ZNF589: variants seen among roughly 807,000 people sequenced by gnomAD.
The protein encoded by ZNF589 is KRAB-zinc finger protein SZF1-1.
Under a neutral mutation model 13.6 loss-of-function variants are expected in ZNF589, and 17 were observed. That is an observed-to-expected ratio of 1.25 (90% confidence interval 0.86 to 1.88). The LOEUF is 1.88. Among genes scored for constraint, ZNF589 ranks in the 40% most tolerant of loss-of-function variants. The pLI is 0.00. For missense variants in ZNF589, 407 were observed against 434.0 expected, an observed-to-expected ratio of 0.94 and a Z score of 0.55; for synonymous variants, 148 against 161.6, an observed-to-expected ratio of 0.92 and a Z score of 0.64.
chr3:48,253,178 G>A (rs773406749), intron 2 of ZNF589, among the ~76,000 whole-genome samples: 6 of 152,012 alleles, frequency 3.9e-5, no homozygotes, highest in Non-Finnish European at 7.4e-5. Flanking sequence ...GATTACAGGC[G>A]TGCACCACTA....
Position 48,268,549 on chromosome 3 carries a change from A to G in ZNF589, c.858A>G (p.Ile286Met), listed in dbSNP as rs1189314037. The G allele has an allele frequency of 1.9e-6, 3 of 1,609,764 alleles. No individual in the cohort carries two copies. Among genetic ancestry groups the G allele is most frequent in the South Asian group, 1.1e-5 (1 of 90,882 alleles). The change falls in exon 4 of 4, where the codon ATA becomes ATG. Residue 286 changes from isoleucine (I) to methionine (M), a missense_variant. Ile to Met is a conservative substitution (Grantham distance 10). Coordinates refer to ENST00000354698, the MANE Select transcript of ZNF589 (RefSeq NM_016089.3). ...GCGGAGAGTGTGGGCGAGGCTTTATAGTTGAGTCAGTCCTCCGCAACCACC... is the reference window on the plus strand; with the variant it reads ...GCGGAGAGTGTGGGCGAGGCTTTATGGTTGAGTCAGTCCTCCGCAACCACC... ...YVCGECGRGF[I>M]VESVLRNHLS...
At position 48,247,637 on chromosome 3, in the gene ZNF589, A is replaced by G. The variant is rs1390677108; in HGVS notation, c.56A>G (p.Lys19Arg). The G allele has an allele frequency of 4.3e-6, 7 of 1,612,668 alleles. No homozygotes were observed. Among genetic ancestry groups the G allele is most frequent in the Non-Finnish European group, 5.9e-6 (7 of 1,179,276 alleles). ...TTTCTTTCCCCAGCTCTGCCTGCCAAGGATTCTGCCTGGCCCTGGGAAGAG... is the reference window on the plus strand; with the variant it reads ...TTTCTTTCCCCAGCTCTGCCTGCCAGGGATTCTGCCTGGCCCTGGGAAGAG... ...LGWTAEALPAKDSAWPWEEKP... is the reference protein window; with the variant it reads ...LGWTAEALPARDSAWPWEEKP... The change falls in exon 2 of 4, where the codon AAG becomes AGG. Residue 19 changes from lysine to arginine, a missense_variant. By Grantham distance (26) the Lys-to-Arg change is conservative (BLOSUM62 2). Coordinates refer to ENST00000354698, the MANE Select transcript of ZNF589 (RefSeq NM_016089.3).
Position 48,269,421 on chromosome 3 carries a change from C to T in ZNF589, c.*635C>T. The stretch of plus-strand genomic sequence containing the variant: ...TCAACTCTCCTCGCACACGAGCAGA[C>T]ACATTCAGGGGAGAAGCCTTATGTG... On this transcript the variant is annotated 3_prime_UTR_variant, in exon 4 of 4. Transcript: ENST00000354698. The T allele has an allele frequency of 4.3e-6, 2 of 466,760 alleles. No homozygotes were observed. Among genetic ancestry groups the T allele is most frequent in the Non-Finnish European group, 7.9e-6 (2 of 252,002 alleles). 28.9% of individuals were successfully genotyped at this position (466,760 alleles called of 1,614,324 possible).
At chr3:48,259,091 G>A (rs1394445868) in intron 2 of ZNF589, among the ~76,000 whole-genome samples, 2 of 152,172 alleles carry the variant, frequency 1.3e-5, no homozygotes, top group East Asian at 3.8e-4. Context: ...AGCATGTAAG[G>A]GACAGCAGCC....
chr3:48,244,973 C>T (rs185374124), intron 1 of ZNF589, among the ~76,000 whole-genome samples: 7 of 152,182 alleles, frequency 4.6e-5, no homozygotes, highest in Admixed American at 2.0e-4. Context: ...CGCCACCACA[C>T]CTGGCTAATT....
At chr3:48,248,268 TC>T (rs962281050) in intron 2 of ZNF589, among the ~76,000 whole-genome samples, 4 of 152,182 alleles carry the variant, frequency 2.6e-5, no homozygotes, top group African/African-American at 9.7e-5. Context: ...GGTGGTGACA[TC>T]CCCATTTTCG....
chr3:48,263,859 G>A (rs1575295619), intron 3 of ZNF589, among the ~76,000 whole-genome samples: 1 of 152,190 alleles, frequency 6.6e-6, no homozygotes, highest in East Asian at 1.9e-4. Flanking sequence ...GTTATAAAAA[G>A]GAGGCTTTTG....
At chr3:48,253,791 C>T (rs965123182) in intron 2 of ZNF589, among the ~76,000 whole-genome samples, 2 of 152,110 alleles carry the variant, frequency 1.3e-5, no homozygotes, top group East Asian at 1.9e-4. Context: ...CGTGAGCCAC[C>T]GTGCCCGGCG....
rs1250039056 is a variant in ZNF589, at chr3:48,269,224, G to A, written c.*438G>A. 1.7e-5 allele frequency: 24 copies of A among 1,436,628 alleles called. No homozygotes were observed. Among genetic ancestry groups the A allele is most frequent in the East Asian group, 1.1e-4 (4 of 37,736 alleles). The allele number at this position is 1,436,628 out of a possible 1,614,324, so 89.0% of individuals were successfully genotyped here. A position where few individuals can be genotyped will look rare whatever the true frequency, so the allele number is the denominator to read the frequency against. Reference sequence around the variant, plus strand: ...CGGAGTGTGGGCAAGGCTTTATCACGAAATCACAGCTCATCAGACACCAGA... The same window carrying A: ...CGGAGTGTGGGCAAGGCTTTATCACAAAATCACAGCTCATCAGACACCAGA... On this transcript the variant is annotated 3_prime_UTR_variant, in exon 4 of 4. Transcript: ENST00000354698.
chr3:48,248,225 C>T (rs1307743099), intron 2 of ZNF589, among the ~76,000 whole-genome samples: 1 of 152,172 alleles, frequency 6.6e-6, no homozygotes, highest in South Asian at 2.1e-4. Context: ...TATTTCAGTC[C>T]TGTGTTTAAA....
chr3:48,241,271 C>T (rs984052560), intron 1 of ZNF589, 57 bp downstream of exon 1: 1 of 1,593,712 alleles, frequency 6.3e-7, no homozygotes, highest in Non-Finnish European at 8.5e-7. Flanking sequence ...GCAGGCGCCG[C>T]GCAGGCGTCG....
intron 3 of ZNF589, among the ~76,000 whole-genome samples, 156 bp downstream of exon 3, chr3:48,261,095 T>C (rs369220551): frequency 1.6e-4 from 24 of 152,128 alleles, no homozygotes; most frequent in East Asian, 9.6e-4. Flanking sequence ...ATAGGTAGAC[T>C]GACAATATAC....
In ZNF589 at chr3:48,268,615, T is replaced by C; in HGVS notation, c.924T>C (p.His308=). 6.2e-7 allele frequency: 1 copy of C among 1,611,918 alleles called. No homozygotes were observed. Among genetic ancestry groups the C allele is most frequent in the African/African-American group, 1.3e-5 (1 of 74,174 alleles). The change falls in exon 4 of 4, where the codon CAT becomes CAC. Residue 308 remains histidine (H), a synonymous_variant. Transcript: ENST00000354698. The stretch of plus-strand genomic sequence containing the variant: ...GGGAGAAACCTTATGTGTGCAGCCA[T>C]TGTGGGCGAGGCTTTAGCTGCAAGC... ...HSGEKPYVCS[H]CGRGFSCKPY... is the part of the protein sequence containing the mutation.
intron 2 of ZNF589, among the ~76,000 whole-genome samples, chr3:48,260,352 C>T (rs1452006794): frequency 6.6e-6 from 1 of 152,044 alleles, no homozygotes; most frequent in African/African-American, 2.4e-5. Context: ...GTTGCTCAGG[C>T]TAGTCTTGAA....
At position 48,255,491 on chromosome 3, in the gene ZNF589, T is replaced by TA. The variant is rs2033888938; in HGVS notation, c.97-5322_97-5321insA. On this transcript the variant is annotated intron_variant, in intron 2 of 3. Coordinates refer to ENST00000354698, the MANE Select transcript of ZNF589 (RefSeq NM_016089.3). ...ATGCCTGGCCAAGAGTTTTTACTTTTTTTTTTTTTTTTTTTTTTTTTGAGA... is the reference window on the plus strand; with the variant it reads ...ATGCCTGGCCAAGAGTTTTTACTTTTATTTTTTTTTTTTTTTTTTTTTGAGA... Among the ~76,000 whole-genome samples the TA allele has an allele frequency of 3.5e-5, 5 of 141,130 alleles. No individual in the cohort carries two copies. The Admixed American group carries it at 3.6e-4, about 10-fold the overall frequency. 92.6% of individuals were successfully genotyped at this position (141,130 alleles called of 152,430 possible).
At chr3:48,247,832 G>A (rs1489072404) in intron 2 of ZNF589, among the ~76,000 whole-genome samples, 155 bp downstream of exon 2, 2 of 152,078 alleles carry the variant, frequency 1.3e-5, no homozygotes, top group Non-Finnish European at 2.9e-5. Flanking sequence ...AATGGTTTTT[G>A]CACTTAGTCT....
At chr3:48,241,258 GC>G in intron 1 of ZNF589, 44 bp downstream of exon 1, 2 of 1,601,464 alleles carry the variant, frequency 1.2e-6, no homozygotes, top group Non-Finnish European at 1.7e-6. Flanking sequence ...CGGTGCTCCA[GC>G]CGCAGGCGCC....
At chr3:48,247,296 A>T (rs902275930) in intron 1 of ZNF589, among the ~76,000 whole-genome samples, 1 of 151,854 alleles carries the variant, frequency 6.6e-6, no homozygotes, top group Non-Finnish European at 1.5e-5. Flanking sequence ...TTAAAAAAAA[A>T]CATGTAACTA....
Position 48,268,140 on chromosome 3 carries a change from G to C in ZNF589, c.449G>C (p.Gly150Ala), listed in dbSNP as rs781730775. Residue 150 changes from glycine (G) to alanine (A), a missense_variant, in exon 4 of 4, where the codon GGC (glycine) becomes GCC (alanine). Coordinates refer to ENST00000354698, the MANE Select transcript of ZNF589 (RefSeq NM_016089.3). ...AEAEDQRVEG[G>A]VRPLFWSTNE... ...GCAGAAGATCAACGAGTGGAAGGAG[G>C]CGTCAGACCCTTGTTTTGGAGTACA... is the stretch of plus-strand genomic sequence containing the variant. 73 of 1,613,964 alleles carry C rather than the reference G, an allele frequency of 4.5e-5. No homozygotes were observed. Among genetic ancestry groups the C allele is most frequent in the Middle Eastern group, 1.6e-4 (1 of 6,084 alleles).
Sources: gnomAD v4.1 joint callset for allele counts (sites outside exome capture counted in the v4.1 genomes callset) on GRCh38, gnomAD v4.1.1 for gene constraint, MANE v1.5 for transcripts, NCBI Gene and HGNC (gene_info 2026-07-23, HGNC 2026-07-21) for gene names.